The following BMPR2 variants were observed in gnomAD, a reference collection of about 807,000 sequenced individuals.
BMPR2 encodes the protein bone morphogenetic protein receptor type 2.
In BMPR2, 29 loss-of-function variants were observed where a neutral mutation model predicts 100.8. The ratio of observed to expected loss-of-function variants is 0.29; its 90% CI spans 0.21 to 0.39. The LOEUF (loss-of-function observed/expected upper bound fraction) is 0.39. Among genes scored for constraint, BMPR2 ranks in the 10% least tolerant of loss-of-function variants. The pLI is 1.00. For synonymous variants in BMPR2, 382 were observed against 442.3 expected (o/e 0.86, Z 1.71); for missense variants, 1,011 against 1,274.5 (o/e 0.79, Z 3.15).
At chr2:202,422,933 C>G (rs553308335) in intron 1 of BMPR2, among the ~76,000 whole-genome samples, 4 of 152,332 alleles carry the variant, frequency 2.6e-5, no homozygotes, top group Admixed American at 1.3e-4. Flanking sequence ...CTGCCTCAGC[C>G]TCCCAAAGTG....
intron 1 of BMPR2, among the ~76,000 whole-genome samples, chr2:202,382,248 T>TG (rs1690317350): frequency 6.6e-6 from 1 of 151,938 alleles, no homozygotes; most frequent in Non-Finnish European, 1.5e-5. Flanking sequence ...TTAGTAGAGA[T>TG]GGGGTTTCAC....
At chr2:202,525,140 ATTTT>A (rs919650065) in intron 7 of BMPR2, among the ~76,000 whole-genome samples, 1 of 152,002 alleles carries the variant, frequency 6.6e-6, no homozygotes, top group Non-Finnish European at 1.5e-5. Context: ...TGCATCATTA[ATTTT>A]TTTAATTTTT....
chr2:202,425,455 T>C (rs1691366256), intron 1 of BMPR2, among the ~76,000 whole-genome samples: 1 of 152,252 alleles, frequency 6.6e-6, no homozygotes, highest in South Asian at 2.1e-4. Context: ...CAAAACTTTG[T>C]GATTGATACA....
intron 1 of BMPR2, among the ~76,000 whole-genome samples, chr2:202,380,680 T>C (rs1690264796): frequency 1.3e-5 from 2 of 150,430 alleles, no homozygotes; most frequent in South Asian, 4.2e-4. Flanking sequence ...TGGAGTGCAA[T>C]GGTGTGATCT....
chr2:202,555,847 A>G lies in BMPR2; in HGVS notation c.2182A>G (p.Asn728Asp), dbSNP rs1688558499. 2 of 1,614,162 alleles carry G rather than the reference A, an allele frequency of 1.2e-6. No individual in the cohort carries two copies. The highest frequency in any genetic ancestry group is 1.7e-6 in the Non-Finnish European group (2 of 1,180,022). ...TGQQDFTQTA[N>D]GQACLIPDVL... ...ACAGCAGGACTTCACACAGACTGCAAATGGCCAAGCATGTTTGATTCCTGA... is the reference window on the plus strand; with the variant it reads ...ACAGCAGGACTTCACACAGACTGCAGATGGCCAAGCATGTTTGATTCCTGA... Residue 728 changes from asparagine to aspartate, a missense_variant, in exon 12 of 13, where the codon AAT becomes GAT. By Grantham distance (23) the Asn-to-Asp change is conservative. Around this residue, in one of 6 missense-constraint regions of BMPR2, gnomAD observed 508 missense variants for 552.0 expected, o/e 0.92. Transcript: ENST00000374580.
chr2:202,500,682 G>A (rs531552980), intron 3 of BMPR2, among the ~76,000 whole-genome samples: 1 of 152,280 alleles, frequency 6.6e-6, no homozygotes, highest in South Asian at 2.1e-4. Context: ...CCAATTCTGG[G>A]AGTACAAAAA....
intron 3 of BMPR2, among the ~76,000 whole-genome samples, chr2:202,511,797 T>A (rs1687630273): frequency 6.6e-6 from 1 of 152,006 alleles, no homozygotes; most frequent in Non-Finnish European, 1.5e-5. Flanking sequence ...AGTGGGCACA[T>A]CAACTTGAGG....
intron 3 of BMPR2, among the ~76,000 whole-genome samples, chr2:202,477,719 G>A (rs989632921): frequency 3.3e-5 from 5 of 152,072 alleles, no homozygotes; most frequent in African/African-American, 1.2e-4. Context: ...CCTAAGAGGC[G>A]GAGGTTGCAG....
chr2:202,409,765 C>T (rs1368922920), intron 1 of BMPR2, among the ~76,000 whole-genome samples: 2 of 152,016 alleles, frequency 1.3e-5, no homozygotes, highest in Non-Finnish European at 2.9e-5. Flanking sequence ...AGGCTAAAGA[C>T]AAAAAGAATT....
chr2:202,486,366 C>T lies in BMPR2; in HGVS notation c.418+18677C>T, dbSNP rs148001073. ...GAGACAGGCCGGGCAGGGTGGCTCA[C>T]GCTTGTAATCCCAGCACTTTGGTGG... On this transcript the variant is annotated intron_variant, in intron 3 of 12. Transcript: ENST00000374580. Among the ~76,000 whole-genome samples, 302 of 152,252 alleles carry T rather than the reference C, an allele frequency of 2.0e-3. 1 individual carries two copies. Among genetic ancestry groups the T allele is most frequent in the African/African-American group, 6.6e-3 (275 of 41,546 alleles).
intron 1 of BMPR2, among the ~76,000 whole-genome samples, chr2:202,400,055 A>G (rs747163152): frequency 2.6e-5 from 4 of 152,132 alleles, no homozygotes; most frequent in Admixed American, 6.6e-5. Context: ...TCAAATCTGC[A>G]TTGAGCACAG....
intron 1 of BMPR2, among the ~76,000 whole-genome samples, chr2:202,381,648 A>G (rs575572243): frequency 3.9e-5 from 6 of 152,356 alleles, no homozygotes; most frequent in Non-Finnish European, 7.3e-5. Flanking sequence ...TGAAATTCTC[A>G]GTAGACCACA....
intron 10 of BMPR2, among the ~76,000 whole-genome samples, chr2:202,544,661 T>C (rs903660183): frequency 6.6e-6 from 1 of 152,098 alleles, no homozygotes; most frequent in Non-Finnish European, 1.5e-5. Context: ...TTTGTAGGCA[T>C]GGATCTTTAC....
chr2:202,392,502 C>T (rs1042146693), intron 1 of BMPR2, among the ~76,000 whole-genome samples: 1 of 152,104 alleles, frequency 6.6e-6, no homozygotes, highest in African/African-American at 2.4e-5. Context: ...TTATTTGATA[C>T]GTGTAAAATA....
At chr2:202,473,417 A>G (rs1262054843) in intron 3 of BMPR2, among the ~76,000 whole-genome samples, 2 of 152,136 alleles carry the variant, frequency 1.3e-5, no homozygotes, top group African/African-American at 4.8e-5. Context: ...GCGCCAGTGC[A>G]CTCCAGCCTA....
chr2:202,462,766 G>A (rs1475962589), intron 1 of BMPR2, among the ~76,000 whole-genome samples: 1 of 151,616 alleles, frequency 6.6e-6, no homozygotes, highest in Non-Finnish European at 1.5e-5. Context: ...AAACTGGAGT[G>A]CAGTGGTGCG....
chr2:202,512,062 G>C (rs1687636095), intron 3 of BMPR2, among the ~76,000 whole-genome samples: 1 of 151,344 alleles, frequency 6.6e-6, no homozygotes. Flanking sequence ...TATAATAAAT[G>C]GTCTGCAAAT....
chr2:202,529,368 T>C (rs1047805260), intron 7 of BMPR2, among the ~76,000 whole-genome samples: 4 of 152,198 alleles, frequency 2.6e-5, no homozygotes, highest in African/African-American at 9.6e-5. Flanking sequence ...TAAAGAAAAT[T>C]AAAATGAGTA....
intron 1 of BMPR2, among the ~76,000 whole-genome samples, chr2:202,414,009 C>T (rs773021501): frequency 6.6e-6 from 1 of 152,178 alleles, no homozygotes; most frequent in Non-Finnish European, 1.5e-5. Context: ...CATACACAGG[C>T]ATACCTTGTT....
Sources: gnomAD v4.1 joint callset for allele counts (sites outside exome capture counted in the v4.1 genomes callset) on GRCh38, gnomAD v4.1.1 for gene constraint, gnomAD v4.1.1 regional missense constraint, MANE v1.5 for transcripts, NCBI Gene and HGNC (gene_info 2026-07-23, HGNC 2026-07-21) for gene names.